Variants in ATAD2B observed in about 807,000 individuals in gnomAD.
The protein encoded by ATAD2B is ATPase family AAA domain-containing protein 2B.
In ATAD2B, 40 loss-of-function variants were observed where a neutral mutation model predicts 167.6. That is an observed-to-expected ratio of 0.24 (90% confidence interval 0.19 to 0.31). The LOEUF (loss-of-function observed/expected upper bound fraction) is 0.31, where lower values mean the gene tolerates loss of function less well. ATAD2B is among the 10% of genes least tolerant of loss of function. The probability of loss-of-function intolerance (pLI) is 1.00; values close to 1 mark genes in which losing one functional copy is unlikely to be tolerated. For missense variants in ATAD2B, 1,242 were observed against 1,757.2 expected, an observed-to-expected ratio of 0.71 and a Z score of 5.24; for synonymous variants, 579 against 596.5, an observed-to-expected ratio of 0.97 and a Z score of 0.43.
Position 23,751,785 on chromosome 2 carries a change from C to G in ATAD2B, c.*261G>C. On this transcript the variant is annotated 3_prime_UTR_variant, in exon 28 of 28. Coordinates refer to ENST00000238789, the MANE Select transcript of ATAD2B (RefSeq NM_017552.4). Reference sequence around the variant, plus strand: ...AGAAGCGAGAGCAGTTTCTGTAGCACCAAAATCTCCAAGCTGTGGGGTTGT... The same window carrying G: ...AGAAGCGAGAGCAGTTTCTGTAGCAGCAAAATCTCCAAGCTGTGGGGTTGT... 1 of 474,598 alleles carries G rather than the reference C, an allele frequency of 2.1e-6. No individual in the cohort carries two copies. Among genetic ancestry groups the G allele is most frequent in the Non-Finnish European group, 3.8e-6 (1 of 266,596 alleles). 29.4% of individuals were successfully genotyped at this position (474,598 alleles called of 1,614,324 possible).
intron 14 of ATAD2B, among the ~76,000 whole-genome samples, chr2:23,831,635 G>A (rs1351246902): frequency 3.3e-5 from 5 of 152,034 alleles, no homozygotes; most frequent in African/African-American, 1.2e-4. Flanking sequence ...AACTTCCCCA[G>A]ACTCCCCACA....
chr2:23,765,478 C>A, intron 23 of ATAD2B, 28 bp downstream of exon 23: 2 of 1,589,254 alleles, frequency 1.3e-6, no homozygotes, highest in Non-Finnish European at 1.7e-6. Flanking sequence ...CACTAGGCTT[C>A]AGTACCAAGT....
At chr2:23,717,007 T>C in the ATAD2B span, among the ~76,000 whole-genome samples, 1 of 152,188 alleles carries the variant, frequency 6.6e-6, no homozygotes, top group Admixed American at 6.5e-5. Context: ...GAGGCGAGGA[T>C]GGAGGCAGTG....
chr2:23,925,219 CT>C (rs749360485), intron 1 of ATAD2B, among the ~76,000 whole-genome samples: 12 of 152,070 alleles, frequency 7.9e-5, no homozygotes, highest in Non-Finnish European at 1.5e-4. Context: ...CAGATTTAAC[CT>C]TATTTCAACC....
intron 1 of ATAD2B, among the ~76,000 whole-genome samples, chr2:23,921,205 C>CGAA (rs560022881): frequency 3.1e-5 from 1 of 32,286 alleles, no homozygotes; most frequent in Non-Finnish European, 5.1e-5. Context: ...GACTCCATCT[C>CGAA]AAAAAAAAAA....
At chr2:23,834,893 C>T (rs573615244) in intron 13 of ATAD2B, among the ~76,000 whole-genome samples, 10 of 151,892 alleles carry the variant, frequency 6.6e-5, no homozygotes, top group Admixed American at 2.0e-4. Flanking sequence ...TCTCCAAAAA[C>T]GAAAAATATT....
At chr2:23,734,142 C>T in the ATAD2B span, among the ~76,000 whole-genome samples, 2 of 151,880 alleles carry the variant, frequency 1.3e-5, no homozygotes, top group Non-Finnish European at 2.9e-5. Flanking sequence ...GAGAATTACC[C>T]GATACTGGGT....
the ATAD2B span, among the ~76,000 whole-genome samples, chr2:23,733,048 A>G: frequency 5.9e-5 from 9 of 152,310 alleles, no homozygotes; most frequent in African/African-American, 2.2e-4. Flanking sequence ...CCCTTTAAAG[A>G]AGGCCTGGAC....
intron 1 of ATAD2B, among the ~76,000 whole-genome samples, chr2:23,923,331 T>C (rs1704227726): frequency 6.6e-6 from 1 of 151,690 alleles, no homozygotes; most frequent in South Asian, 2.1e-4. Context: ...AAGCAGAGAG[T>C]AGAAGGGTGA....
the ATAD2B span, among the ~76,000 whole-genome samples, chr2:23,743,143 A>G: frequency 9.2e-6 from 1 of 108,324 alleles, no homozygotes; most frequent in African/African-American, 3.1e-5. Context: ...TGTTCGCCCA[A>G]AAAAAAAAAA....
At position 23,892,553 on chromosome 2, in the gene ATAD2B, C is replaced by T. The variant is rs1573300774; in HGVS notation, c.368+3266G>A. On this transcript the variant is annotated intron_variant, in intron 2 of 27. Coordinates refer to ENST00000238789, the MANE Select transcript of ATAD2B (RefSeq NM_017552.4). ...GTGGTACGATCTCAGCTAACTGCAA[C>T]CTCTGTCTCCCAGGTTCAAGCAATT... 2.0e-5 allele frequency among the ~76,000 whole-genome samples: 3 copies of T among 151,540 alleles called. No homozygotes were observed. The South Asian group carries it at 6.2e-4, about 32-fold the overall frequency.
intron 18 of ATAD2B, among the ~76,000 whole-genome samples, chr2:23,807,951 ATATT>A (rs1684771809): frequency 9.1e-6 from 1 of 109,880 alleles, no homozygotes; most frequent in Non-Finnish European, 1.9e-5. Context: ...AAATATATAA[ATATT>A]TATAATATAT....
At chr2:23,699,165 C>T in the ATAD2B span, among the ~76,000 whole-genome samples, 1 of 152,224 alleles carries the variant, frequency 6.6e-6, no homozygotes, top group Non-Finnish European at 1.5e-5. Flanking sequence ...CGCTCAGAGG[C>T]AGAGGCACGG....
chr2:23,926,426 C>G, intron 1 of ATAD2B, 129 bp downstream of exon 1: 1 of 1,421,216 alleles, frequency 7.0e-7, no homozygotes, highest in African/African-American at 1.5e-5. Context: ...CCACCGCGCC[C>G]GCAGACCCTG....
chr2:23,886,315 G>A (rs1369504970), intron 4 of ATAD2B, among the ~76,000 whole-genome samples: 1 of 151,828 alleles, frequency 6.6e-6, no homozygotes, highest in African/African-American at 2.4e-5. Context: ...GCAAAACCAG[G>A]ATATCTTCTA....
chr2:23,808,080 A>ATTATATATATAATTATATATATAAGTAC (rs1684858213), intron 18 of ATAD2B, among the ~76,000 whole-genome samples: 1 of 132,702 alleles, frequency 7.5e-6, no homozygotes, highest in African/African-American at 2.8e-5. Flanking sequence ...TATATAAGTA[A>ATTATATATATAATTATATATATAAGTAC]TTATATATAT....
intron 23 of ATAD2B, among the ~76,000 whole-genome samples, chr2:23,762,578 A>G (rs1676887424): frequency 6.6e-6 from 1 of 152,120 alleles, no homozygotes; most frequent in Non-Finnish European, 1.5e-5. Flanking sequence ...TAATCCCCAA[A>G]GGGGCCCTAT....
At chr2:23,713,987 A>G in the ATAD2B span, among the ~76,000 whole-genome samples, 1 of 152,200 alleles carries the variant, frequency 6.6e-6, no homozygotes, top group Non-Finnish European at 1.5e-5. Context: ...GATTTCTCAG[A>G]ATCAAAAACA....
At chr2:23,684,153 T>C in the ATAD2B span, among the ~76,000 whole-genome samples, 3 of 152,224 alleles carry the variant, frequency 2.0e-5, no homozygotes, top group Admixed American at 6.5e-5. This position sits in a 1 kb window ranked among gnomAD's most constrained non-coding sequence, Gnocchi z 4.4. Context: ...TTTTGTATCA[T>C]ATTTGGTTTT....
Sources: allele counts gnomAD v4.1 joint callset (sites outside exome capture counted in the v4.1 genomes callset), GRCh38; gene constraint gnomAD v4.1.1; non-coding constraint Gnocchi (gnomAD v3.1); transcripts MANE v1.5; gene names NCBI Gene and HGNC (gene_info 2026-07-23, HGNC 2026-07-21).